The following CPSF7 variants were observed in gnomAD, a reference collection of about 807,000 sequenced individuals.
The protein encoded by CPSF7 is cleavage and polyadenylation specificity factor subunit 7.
In CPSF7, 1 loss-of-function variant was observed where a neutral mutation model predicts 44.3. The ratio of observed to expected loss-of-function variants is 0.02; its 90% CI spans 0.01 to 0.11. The LOEUF is 0.11. Ranked by LOEUF, CPSF7 falls within the 10% of genes least tolerant of loss-of-function variation. The probability of loss-of-function intolerance (pLI) is 1.00; values close to 1 mark genes in which losing one functional copy is unlikely to be tolerated. For missense variants in CPSF7, 443 were observed against 607.2 expected (o/e 0.73, Z 2.84); for synonymous variants, 202 against 222.0 (o/e 0.91, Z 0.80).
At chr11:61,426,250 A>G (rs1214439751) in intron 2 of CPSF7, among the ~76,000 whole-genome samples, 1 of 152,212 alleles carries the variant, frequency 6.6e-6, no homozygotes, top group Non-Finnish European at 1.5e-5. Flanking sequence ...ACATTCTTAA[A>G]ACATTCTAAA....
rs149090327 is a variant in CPSF7 at position 61,420,431 on chromosome 11, G to A, written c.377+39C>T. 3 of 1,517,546 alleles carry A rather than the reference G, an allele frequency of 2.0e-6. No individual in the cohort carries two copies. In the South Asian group the frequency reaches 3.4e-5, roughly 17 times the overall value. The allele number at this position is 1,517,546 out of a possible 1,614,324, so 94.0% of individuals were successfully genotyped here. The stretch of plus-strand genomic sequence containing the variant: ...ATAGTACAGATCTTTTATCCCAATG[G>A]TTACAAATTAAAAGGGGCTTCTCAA... On this transcript the variant is annotated intron_variant, in intron 4 of 9. Transcript: ENST00000439958.
In CPSF7 at chr11:61,421,294, C is replaced by A. The variant is rs749617151; in HGVS notation, c.273+96G>T. ...AAAAAGAAATCCAACCCCATCAGAG[C>A]ACAAAACAGTGCAACAGTAGTTTCT... is the stretch of plus-strand genomic sequence containing the variant. On this transcript the variant is annotated intron_variant, in intron 3 of 9. Transcript: ENST00000439958. 5 of 1,134,358 alleles carry A rather than the reference C, an allele frequency of 4.4e-6. No homozygotes were observed. The South Asian group carries it at 6.6e-5, about 15-fold the overall frequency. The allele number at this position is 1,134,358 out of a possible 1,614,324, so 70.3% of individuals were successfully genotyped here.
At chr11:61,420,764 A>C in intron 3 of CPSF7, 191 bp from the exon 4 acceptor site, 7 of 597,346 alleles carry the variant, frequency 1.2e-5, no homozygotes, top group African/African-American at 1.9e-5. Flanking sequence ...CTCACCCCCA[A>C]TCTCCATCTT....
chr11:61,408,149 C>A (rs190310008), intron 9 of CPSF7, among the ~76,000 whole-genome samples: 3 of 151,682 alleles, frequency 2.0e-5, no homozygotes, highest in Admixed American at 6.6e-5. Context: ...CTCTGCCTCC[C>A]GGGTTCATGC....
chr11:61,420,090 C>T lies in CPSF7; in HGVS notation c.382G>A (p.Ala128Thr). 6.2e-7 allele frequency: 1 copy of T among 1,610,890 alleles called. No individual in the cohort carries two copies. The highest frequency in any genetic ancestry group is 1.7e-4 in the Middle Eastern group (1 of 6,046). ...NRANGQSKGY[A>T]EVVVASENSV... ...TTTTCAGAGGCTACCACCACCTCAGCATACCTTAGGAAAGAAAAATTAAAA... is the reference window on the plus strand; with the variant it reads ...TTTTCAGAGGCTACCACCACCTCAGTATACCTTAGGAAAGAAAAATTAAAA... Residue 128 changes from alanine (A) to threonine (T), a missense_variant, in exon 5 of 10, where the codon GCT becomes ACT. By Grantham distance (58) the Ala-to-Thr change is moderately conservative. Coordinates refer to ENST00000439958, the MANE Select transcript of CPSF7 (RefSeq NM_001142565.3).
At position 61,402,883 on chromosome 11, in the gene CPSF7, A is replaced by G. The variant is rs1433015383; in HGVS notation, c.*1827T>C. On this transcript the variant is annotated 3_prime_UTR_variant, in exon 10 of 10. Transcript: ENST00000439958. ...AATAAAACTAAAAATGGTGTCATTG[A>G]GTAAAAACAAAACAAATGGGGAGAA... 6.6e-6 allele frequency: 1 copy of G among 152,518 alleles called. No homozygotes were observed. The highest frequency in any genetic ancestry group is 1.5e-5 in the Non-Finnish European group (1 of 68,024). 9.4% of individuals were successfully genotyped at this position (152,518 alleles called of 1,614,324 possible).
intron 9 of CPSF7, among the ~76,000 whole-genome samples, chr11:61,405,181 C>G (rs1208509182): frequency 1.3e-5 from 2 of 152,174 alleles, no homozygotes; most frequent in Non-Finnish European, 2.9e-5. Context: ...AGTATGTACA[C>G]AACCAAATCC....
intron 1 of CPSF7, chr11:61,429,672 G>A: frequency 2.8e-6 from 4 of 1,442,480 alleles, no homozygotes; most frequent in South Asian, 2.5e-5. Context: ...GCCCCCAGGT[G>A]TCAAGCAGCT....
At position 61,421,383 on chromosome 11, in the gene CPSF7, C is replaced by T. The variant is rs1227399514; in HGVS notation, c.273+7G>A. On this transcript the variant is annotated splice_region_variant and intron_variant, in intron 3 of 9. Transcript: ENST00000439958. ...ACCCCTAAGCATTTTTGGTTACCCA[C>T]ACTCACCCAGGAGAAGCTGCCCACA... 1 of 1,613,360 alleles carries T rather than the reference C, an allele frequency of 6.2e-7. No individual in the cohort carries two copies.
At chr11:61,429,477 GC>G (rs1221909215) in intron 1 of CPSF7, 187 bp from the exon 2 acceptor site, 2 of 518,992 alleles carry the variant, frequency 3.9e-6, no homozygotes, top group African/African-American at 4.1e-5. Flanking sequence ...GGGGGTCGCT[GC>G]CCATCACCCT....
At position 61,415,654 on chromosome 11, in the gene CPSF7, G is replaced by A. The variant is rs749703368; in HGVS notation, c.1057+12C>T. 1.6e-5 allele frequency: 25 copies of A among 1,535,692 alleles called. No individual in the cohort carries two copies. The highest frequency in any genetic ancestry group is 2.2e-5 in the Non-Finnish European group (24 of 1,108,584). ...GTTAAGGAGAAGGCAGCAAAGGTAA[G>A]CACTGAGTTACCTGCACTGGCTCCA... On this transcript the variant is annotated intron_variant, in intron 7 of 9. Coordinates refer to ENST00000439958, the MANE Select transcript of CPSF7 (RefSeq NM_001142565.3).
intron 2 of CPSF7, among the ~76,000 whole-genome samples, chr11:61,425,299 G>A (rs1405383681): frequency 2.0e-5 from 3 of 152,160 alleles, no homozygotes; most frequent in African/African-American, 7.2e-5. Flanking sequence ...ACAGTTAAGG[G>A]CCGGAGATTT....
In CPSF7 at chr11:61,408,467, T is replaced by C. The variant is rs1859534804; in HGVS notation, c.*5+2471A>G. The stretch of plus-strand genomic sequence containing the variant: ...AGAAATGGGAAGTCCTAGAGACTTA[T>C]AAATCTGCAACCACAAAATTAAGAA... On this transcript the variant is annotated intron_variant, in intron 9 of 9. Coordinates refer to ENST00000439958, the MANE Select transcript of CPSF7 (RefSeq NM_001142565.3). Among the ~76,000 whole-genome samples, 8 of 152,316 alleles carry C rather than the reference T, an allele frequency of 5.3e-5. No individual in the cohort carries two copies. The South Asian group carries it at 6.2e-4, about 12-fold the overall frequency.
rs370060256 is a variant in CPSF7 at position 61,415,702 on chromosome 11, T to C, written c.1021A>G (p.Ser341Gly). The C allele has an allele frequency of 6.2e-7, 1 of 1,613,944 alleles. No individual in the cohort carries two copies. The highest frequency in any genetic ancestry group is 1.3e-5 in the African/African-American group (1 of 74,942). ...IMKRNRAISS[S>G]AISKAVSGAS... ...CCAGATACTGCTTTGGAAATGGCAC[T>C]GCTGGAAATTGCTCTGTTTCGCTTC... The change falls in exon 7 of 10, where the codon AGT (serine) becomes GGT (glycine). Residue 341 changes from serine to glycine, a missense_variant. Transcript: ENST00000439958.
chr11:61,406,674 C>G (rs1053486726), intron 9 of CPSF7, among the ~76,000 whole-genome samples: 10 of 152,198 alleles, frequency 6.6e-5, no homozygotes, highest in African/African-American at 2.4e-4. Flanking sequence ...AATATTGTTA[C>G]AGCATTTTCA....
chr11:61,414,456 A>G (rs985797399), intron 7 of CPSF7, among the ~76,000 whole-genome samples: 1 of 152,168 alleles, frequency 6.6e-6, no homozygotes, highest in Non-Finnish European at 1.5e-5. Context: ...CCTAAAAAAG[A>G]CTAATTTAGA....
Position 61,403,800 on chromosome 11 carries a change from C to T in CPSF7, c.*910G>A. On this transcript the variant is annotated 3_prime_UTR_variant, in exon 10 of 10. Transcript: ENST00000439958. ...CAAGGGTTCTTCATTGCTGAGGTCC[C>T]AATGTCCCCATCTCCCAATGGGCAG... The T allele has an allele frequency of 6.6e-6, 1 of 152,594 alleles. No individual in the cohort carries two copies. Among genetic ancestry groups the T allele is most frequent in the Non-Finnish European group, 1.5e-5 (1 of 68,062 alleles). The allele number at this position is 152,594 out of a possible 1,614,324, so 9.5% of individuals were successfully genotyped here.
At chr11:61,413,132 C>T (rs1860002684) in intron 7 of CPSF7, among the ~76,000 whole-genome samples, 1 of 151,974 alleles carries the variant, frequency 6.6e-6, no homozygotes, top group Non-Finnish European at 1.5e-5. Flanking sequence ...ACTATGTTGA[C>T]CAGGCTGGTC....
chr11:61,412,445 A>C (rs1482225784), intron 7 of CPSF7, among the ~76,000 whole-genome samples: 5 of 151,974 alleles, frequency 3.3e-5, no homozygotes, highest in Non-Finnish European at 5.9e-5. Context: ...GCCTGCCACC[A>C]CACCCAGCTA....
Sources: gnomAD v4.1 joint callset for allele counts (sites outside exome capture counted in the v4.1 genomes callset) on GRCh38, gnomAD v4.1.1 for gene constraint, MANE v1.5 for transcripts, NCBI Gene and HGNC (gene_info 2026-07-23, HGNC 2026-07-21) for gene names.